Variants in SRP68 observed in about 807,000 individuals in gnomAD.
SRP68 encodes the protein signal recognition particle 68, also known as signal recognition particle subunit SRP68.
Under a neutral mutation model 82.2 loss-of-function variants are expected in SRP68, and 15 were observed. That is an observed-to-expected ratio of 0.18 (90% confidence interval 0.12 to 0.28). SRP68 has a LOEUF of 0.28. SRP68 is among the 10% of genes least tolerant of loss of function. The pLI is 1.00. For missense variants in SRP68, 595 were observed against 780.5 expected, an observed-to-expected ratio of 0.76 and a Z score of 2.83; for synonymous variants, 261 against 292.6, an observed-to-expected ratio of 0.89 and a Z score of 1.10.
chr17:76,042,308 A>C (rs1187900332), intron 13 of SRP68, among the ~76,000 whole-genome samples: 2 of 152,090 alleles, frequency 1.3e-5, no homozygotes, highest in Non-Finnish European at 2.9e-5. Context: ...GTTATCGTTC[A>C]ATAATCAGTA....
intron 2 of SRP68, 54 bp from the exon 3 acceptor site, chr17:76,067,384 A>G (rs1598271056): frequency 1.5e-6 from 2 of 1,346,918 alleles, no homozygotes; most frequent in Non-Finnish European, 2.1e-6. Context: ...TATTTTGAAT[A>G]ATAAATTCTG....
chr17:76,072,472 A>G lies in SRP68; in HGVS notation c.20T>C (p.Val7Ala), dbSNP rs770923950. 3 of 1,579,930 alleles carry G rather than the reference A, an allele frequency of 1.9e-6. No homozygotes were observed. The highest frequency in any genetic ancestry group is 2.6e-6 in the Non-Finnish European group (3 of 1,170,390). The change falls in exon 1 of 16, where the codon GTC becomes GCC. Residue 7 changes from valine (V) to alanine (A), a missense_variant. Transcript: ENST00000307877. The surrounding 1 kb of genome is among the most constrained non-coding windows in gnomAD (Gnocchi z 4.5). MAAEKQ[V>A]PGGGGGGGSG... The stretch of plus-strand genomic sequence containing the variant: ...GCCGCCGCCGCCGCCGCCGCCTGGG[A>G]CCTGCTTCTCAGCAGCCATCTTGCC...
intron 14 of SRP68, 140 bp from the exon 15 acceptor site, chr17:76,040,614 C>T (rs1243330555): frequency 2.4e-6 from 2 of 833,518 alleles, no homozygotes; most frequent in African/African-American, 3.4e-5. Flanking sequence ...CTGTCTCCTG[C>T]TGAGAAGTGG....
chr17:76,070,606 C>T (rs962313261), intron 1 of SRP68, among the ~76,000 whole-genome samples, 162 bp from the exon 2 acceptor site: 17 of 151,950 alleles, frequency 1.1e-4, no homozygotes, highest in Admixed American at 7.9e-4. Flanking sequence ...TGTGGGAGGC[C>T]GAGGCGGGTG....
In SRP68 at chr17:76,057,580, G is replaced by T. The variant is rs568440356; in HGVS notation, c.838-37C>A. 8.2e-5 allele frequency: 132 copies of T among 1,609,268 alleles called. 1 individual carries two copies. In the South Asian group the frequency reaches 1.4e-3, roughly 17 times the overall value. ...TTTAAAAAAGTTAAAGCTTTAACTG[G>T]GGATATGAGTGATGGAGGTGAAAAT... On this transcript the variant is annotated intron_variant, in intron 7 of 15. Transcript: ENST00000307877.
intron 3 of SRP68, among the ~76,000 whole-genome samples, chr17:76,065,054 TA>T (rs2066796467): frequency 6.6e-6 from 1 of 152,134 alleles, no homozygotes; most frequent in South Asian, 2.1e-4. Context: ...GGTCGTTAAC[TA>T]CTTTATTATT....
In SRP68 at chr17:76,047,942, T is replaced by C; in HGVS notation, c.1106A>G (p.Glu369Gly). 6.3e-7 allele frequency: 1 copy of C among 1,578,504 alleles called. No individual in the cohort carries two copies. Among genetic ancestry groups the C allele is most frequent in the Non-Finnish European group, 8.6e-7 (1 of 1,159,678 alleles). ...TTGAAGATTAGACACCTTCCCTGGC[T>C]CTCCTTCAAGGATATAATCTCTCTG... is the stretch of plus-strand genomic sequence containing the variant. ...QKQRDYILEG[E>G]PGKVSNLQYL... Residue 369 changes from glutamate to glycine, a missense_variant, in exon 10 of 16, where the codon GAG (glutamate) becomes GGG (glycine). Glu to Gly is a moderately conservative substitution (Grantham distance 98). Around this residue, in one of 2 missense-constraint regions of SRP68, gnomAD observed 495 missense variants for 688.6 expected, o/e 0.72. Coordinates refer to ENST00000307877, the MANE Select transcript of SRP68 (RefSeq NM_014230.4).
chr17:76,061,024 A>T, intron 6 of SRP68, 86 bp downstream of exon 6: 1 of 828,012 alleles, frequency 1.2e-6, no homozygotes, highest in African/African-American at 1.7e-5. Flanking sequence ...AAGTTACATC[A>T]ACTCTCTAGG....
rs1217875029 is a variant in SRP68 at position 76,050,524 on chromosome 17, A to T, written c.981T>A (p.Ala327=). 1 of 1,611,502 alleles carries T rather than the reference A, an allele frequency of 6.2e-7. No individual in the cohort carries two copies. Among genetic ancestry groups the T allele is most frequent in the East Asian group, 2.2e-5 (1 of 44,782 alleles). The change falls in exon 9 of 16, where the codon GCT becomes GCA. Residue 327 remains alanine, a splice_region_variant and synonymous_variant. Coordinates refer to ENST00000307877, the MANE Select transcript of SRP68 (RefSeq NM_014230.4). The part of the protein sequence containing the change: ...LADNEAAIVQ[A]ESEETKERLF... ...GGCGCTCCTTAGTTTCTTCGCTTTC[A>T]GCCTAAACAAGGGCAGATCAAAGTA...
intron 11 of SRP68, 115 bp downstream of exon 11, chr17:76,045,923 T>G: frequency 7.8e-7 from 1 of 1,287,634 alleles, no homozygotes; most frequent in Non-Finnish European, 1.1e-6. Flanking sequence ...TCTTCCCAGC[T>G]ACTAATAGGT....
intron 2 of SRP68, among the ~76,000 whole-genome samples, chr17:76,067,694 G>A (rs2066817799): frequency 6.6e-6 from 1 of 152,000 alleles, no homozygotes; most frequent in Non-Finnish European, 1.5e-5. Flanking sequence ...CGAAATCCTT[G>A]GACTCCAGCA....
At chr17:76,051,423 C>T (rs1186094427) in intron 8 of SRP68, among the ~76,000 whole-genome samples, 1 of 152,174 alleles carries the variant, frequency 6.6e-6, no homozygotes, top group African/African-American at 2.4e-5. Context: ...TATTTGACTT[C>T]CCATAGAAAT....
rs768565696 is a variant in SRP68 at position 76,067,307 on chromosome 17, C to T, written c.275G>A (p.Arg92Lys). The T allele has an allele frequency of 5.0e-6, 8 of 1,613,416 alleles. No individual in the cohort carries two copies. The highest frequency in any genetic ancestry group is 5.9e-6 in the Non-Finnish European group (7 of 1,179,730). ...GAAGTTGAGTGTTTTTCGAAGACGT[C>T]TTTGTCTACGGGAACAGTAGCCCCT... is the stretch of plus-strand genomic sequence containing the variant. ...RYRGYCSRRQ[R>K]RLRKTLNFKM... Residue 92 changes from arginine to lysine, a missense_variant, in exon 3 of 16, where the codon AGA becomes AAA. By Grantham distance (26) the Arg-to-Lys change is conservative. Coordinates refer to ENST00000307877, the MANE Select transcript of SRP68 (RefSeq NM_014230.4).
intron 4 of SRP68, among the ~76,000 whole-genome samples, chr17:76,062,706 T>TATAA (rs1567935119): frequency 1.4e-5 from 1 of 73,940 alleles, no homozygotes; most frequent in Non-Finnish European, 2.3e-5. Context: ...ATATTGTATA[T>TATAA]TATACAATAT....
At chr17:76,056,633 C>T (rs758081028) in intron 8 of SRP68, among the ~76,000 whole-genome samples, 1 of 152,190 alleles carries the variant, frequency 6.6e-6, no homozygotes, top group Non-Finnish European at 1.5e-5. Context: ...ATTTTAGATG[C>T]TTAAGCCAAT....
rs1238170203 is a variant in SRP68 at position 76,072,303 on chromosome 17, G to A, written c.184+5C>T. The A allele has an allele frequency of 6.2e-7, 1 of 1,611,804 alleles. No homozygotes were observed. Among genetic ancestry groups the A allele is most frequent in the Non-Finnish European group, 8.5e-7 (1 of 1,179,378 alleles). On this transcript the variant is annotated splice_donor_5th_base_variant and intron_variant, in intron 1 of 15. Transcript: ENST00000307877. The surrounding 1 kb of genome is among the most constrained non-coding windows in gnomAD (Gnocchi z 4.5). ...TGCGAGTTAGGCCCGATTACTCTAG[G>A]ATACTCTCCAAACTCAGGCTATCCC... is the stretch of plus-strand genomic sequence containing the variant.
intron 7 of SRP68, among the ~76,000 whole-genome samples, chr17:76,059,896 C>T (rs996501688): frequency 2.4e-4 from 36 of 151,022 alleles, no homozygotes; most frequent in African/African-American, 8.0e-4. Flanking sequence ...GAGGCTGAGG[C>T]GGGCGGATCT....
At chr17:76,050,234 A>G (rs2066661521) in intron 9 of SRP68, among the ~76,000 whole-genome samples, 194 bp downstream of exon 9, 1 of 152,134 alleles carries the variant, frequency 6.6e-6, no homozygotes, top group African/African-American at 2.4e-5. Flanking sequence ...CAGGGGAGGG[A>G]GAAATTAATT....
At chr17:76,060,525 G>A (rs2066745525) in intron 6 of SRP68, 135 bp from the exon 7 acceptor site, 2 of 614,788 alleles carry the variant, frequency 3.3e-6, no homozygotes, top group Admixed American at 3.0e-5. Context: ...TCTGTTCTCT[G>A]AAGACAAGTC....
Sources: allele counts gnomAD v4.1 joint callset (sites outside exome capture counted in the v4.1 genomes callset), GRCh38; gene constraint gnomAD v4.1.1; regional missense constraint gnomAD v4.1.1; non-coding constraint Gnocchi (gnomAD v3.1); transcripts MANE v1.5; gene names NCBI Gene and HGNC (gene_info 2026-07-23, HGNC 2026-07-21).